Variants in CHODL observed in about 807,000 individuals in gnomAD.
CHODL encodes the protein transmembrane protein MT75.
CHODL carries 29 observed loss-of-function variants against 34.5 expected under a neutral mutation model. That is an observed-to-expected ratio of 0.84 (90% CI 0.63 to 1.15). The LOEUF is 1.15. Ranked by LOEUF, CHODL falls within the 50% of genes most tolerant of loss-of-function variation. The pLI is 0.00. For synonymous variants in CHODL, 125 were observed against 116.1 expected (o/e 1.08, Z -0.49); for missense variants, 332 against 332.5 (o/e 1.00, Z 0.01).
At chr21:18,011,074 T>G (rs2064014785) in intron 1 of CHODL, among the ~76,000 whole-genome samples, 1 of 152,110 alleles carries the variant, frequency 6.6e-6, no homozygotes. Flanking sequence ...CGATTCCCTA[T>G]GTATGCTGTA....
chr21:18,251,700 T>TTATTTATTTTAATATATAAAATAAA lies in CHODL; in HGVS notation c.80-4797_80-4773dup, dbSNP rs2074256108. Among the ~76,000 whole-genome samples the TTATTTATTTTAATATATAAAATAAA allele has an allele frequency of 6.1e-5, 7 of 114,678 alleles. No homozygotes were observed. The South Asian group carries it at 1.3e-3, about 21-fold the overall frequency. 75.2% of individuals were successfully genotyped at this position (114,678 alleles called of 152,430 possible). A position where few individuals can be genotyped will look rare whatever the true frequency, so the allele number is the denominator to read the frequency against. On this transcript the variant is annotated intron_variant, in intron 1 of 5. Coordinates refer to ENST00000299295, the MANE Select transcript of CHODL (RefSeq NM_024944.3). ...TTAATATATAAAATAAATATTTTAT[T>TTATTTATTTTAATATATAAAATAAA]TATTTATTTTAATATATAAAATAAA...
At chr21:18,004,213 T>C (rs534013882) in intron 1 of CHODL, among the ~76,000 whole-genome samples, 28 of 152,380 alleles carry the variant, frequency 1.8e-4, no homozygotes, top group African/African-American at 6.5e-4. Context: ...CCTGTAATTA[T>C]ATATGTTCTT....
intron 2 of CHODL, among the ~76,000 whole-genome samples, chr21:18,063,237 G>A (rs899307882): frequency 1.3e-5 from 2 of 152,188 alleles, no homozygotes; most frequent in African/African-American, 2.4e-5. Context: ...TAGAAGAACT[G>A]CTGGTTGACT....
intron 2 of CHODL, among the ~76,000 whole-genome samples, chr21:18,121,920 C>G (rs544746628): frequency 6.6e-6 from 1 of 152,046 alleles, no homozygotes; most frequent in Admixed American, 6.6e-5. Context: ...TCCCATTTTT[C>G]GAAGTGTAAA....
chr21:17,972,813 A>G (rs1002698893), intron 1 of CHODL, among the ~76,000 whole-genome samples: 11 of 152,340 alleles, frequency 7.2e-5, no homozygotes. Flanking sequence ...ATATGGAACC[A>G]AAAAAGAGCC....
At chr21:18,210,508 T>G (rs2073761134) in intron 2 of CHODL, among the ~76,000 whole-genome samples, 1 of 152,184 alleles carries the variant, frequency 6.6e-6, no homozygotes, top group African/African-American at 2.4e-5. Context: ...GTATAGTTGT[T>G]CAGTGTGATG....
chr21:18,150,922 A>C (rs1197245379), intron 2 of CHODL, among the ~76,000 whole-genome samples: 1 of 151,874 alleles, frequency 6.6e-6, no homozygotes, highest in African/African-American at 2.4e-5. Flanking sequence ...CGTCTCTACC[A>C]AAAATTCAAA....
At chr21:18,044,069 C>A (rs1390549570) in intron 2 of CHODL, among the ~76,000 whole-genome samples, 1 of 151,962 alleles carries the variant, frequency 6.6e-6, no homozygotes, top group African/African-American at 2.4e-5. Flanking sequence ...CCATATCAGA[C>A]CTATAGTTTC....
chr21:18,059,376 T>G (rs1369812435), intron 2 of CHODL, among the ~76,000 whole-genome samples: 1 of 152,214 alleles, frequency 6.6e-6, no homozygotes, highest in Non-Finnish European at 1.5e-5. Flanking sequence ...TATGGCAGCC[T>G]GAGCAGACCA....
At chr21:17,942,871 G>A (rs970461330) in intron 1 of CHODL, among the ~76,000 whole-genome samples, 1 of 152,176 alleles carries the variant, frequency 6.6e-6, no homozygotes, top group Admixed American at 6.5e-5. Flanking sequence ...CATGGGGGTG[G>A]AATTCCCTCT....
intron 1 of CHODL, among the ~76,000 whole-genome samples, chr21:17,939,738 G>C (rs2063348022): frequency 1.3e-5 from 2 of 152,044 alleles, no homozygotes. Context: ...GTATTAATTT[G>C]GGTTGCTTTG....
At chr21:18,000,407 G>C (rs2063893984) in intron 1 of CHODL, among the ~76,000 whole-genome samples, 1 of 152,150 alleles carries the variant, frequency 6.6e-6, no homozygotes, top group Non-Finnish European at 1.5e-5. Context: ...ATAATTGTAA[G>C]ATATTTTGGA....
chr21:18,034,291 C>T (rs1007002243), intron 2 of CHODL, among the ~76,000 whole-genome samples: 4 of 152,036 alleles, frequency 2.6e-5, no homozygotes, highest in African/African-American at 7.2e-5. Flanking sequence ...TTTCTCTTCT[C>T]TGTGCACCAG....
chr21:18,082,097 G>A (rs944926445), intron 2 of CHODL, among the ~76,000 whole-genome samples: 6 of 152,180 alleles, frequency 3.9e-5, no homozygotes, highest in Admixed American at 3.9e-4. Context: ...GGCCCTGGTG[G>A]GAGATGATTG....
rs139407582 is a variant in CHODL at position 18,258,938 on chromosome 21, G to GC, written c.548-1261dup. 8.2e-3 allele frequency among the ~76,000 whole-genome samples: 1,247 copies of GC among 152,170 alleles called. 23 individuals are homozygous for GC. The highest frequency in any genetic ancestry group is 0.028 in the African/African-American group (1,174 of 41,514). ...TTGTTTAAAAATACCAGTTGACTAG[G>GC]CATAGAGTGACTAAGTTCTCTAGAA... is the stretch of plus-strand genomic sequence containing the variant. On this transcript the variant is annotated intron_variant, in intron 3 of 5. Coordinates refer to ENST00000299295, the MANE Select transcript of CHODL (RefSeq NM_024944.3).
chr21:18,031,060 C>A (rs779689334), intron 2 of CHODL, among the ~76,000 whole-genome samples: 15 of 152,112 alleles, frequency 9.9e-5, no homozygotes, highest in Non-Finnish European at 1.5e-5. Flanking sequence ...TAATTAGTTA[C>A]TAAATTAGAA....
chr21:18,048,185 G>C (rs1044767886), intron 2 of CHODL, among the ~76,000 whole-genome samples: 22 of 151,888 alleles, frequency 1.4e-4, no homozygotes, highest in African/African-American at 5.3e-4. Flanking sequence ...GAGAAAAAGA[G>C]GAGGAATTGA....
intron 2 of CHODL, among the ~76,000 whole-genome samples, chr21:18,232,150 T>G (rs184118971): frequency 6.6e-6 from 1 of 152,238 alleles, no homozygotes; most frequent in East Asian, 1.9e-4. Context: ...TATTATTTAC[T>G]TAATAGTTTT....
intron 2 of CHODL, among the ~76,000 whole-genome samples, chr21:18,150,837 G>A (rs1362482318): frequency 3.3e-5 from 5 of 152,030 alleles, no homozygotes; most frequent in African/African-American, 1.2e-4. Flanking sequence ...TGTAATCCCA[G>A]CACTTTGGGA....
Sources: allele counts gnomAD v4.1 joint callset (sites outside exome capture counted in the v4.1 genomes callset), GRCh38; gene constraint gnomAD v4.1.1; transcripts MANE v1.5; gene names NCBI Gene and HGNC (gene_info 2026-07-23, HGNC 2026-07-21).